Variants in SLC25A21 observed in about 807,000 individuals in gnomAD.
SLC25A21 encodes the protein mitochondrial 2-oxodicarboxylate carrier.
In SLC25A21, 47 loss-of-function variants were observed where a neutral mutation model predicts 43.8. The ratio of observed to expected loss-of-function variants is 1.07; its 90% CI spans 0.85 to 1.37. The LOEUF (loss-of-function observed/expected upper bound fraction) is 1.37, where lower values mean the gene tolerates loss of function less well. Ranked by LOEUF, SLC25A21 falls within the 40% of genes most tolerant of loss-of-function variation. SLC25A21 has a pLI of 0.00. For synonymous variants in SLC25A21, 131 were observed against 121.3 expected (o/e 1.08, Z -0.52); for missense variants, 352 against 350.2 (o/e 1.00, Z -0.04).
At chr14:36,825,480 T>C (rs1033685917) in intron 2 of SLC25A21, among the ~76,000 whole-genome samples, 2 of 152,166 alleles carry the variant, frequency 1.3e-5, no homozygotes, top group African/African-American at 4.8e-5. Flanking sequence ...CCATAGAACT[T>C]GAACAAGAAA....
At chr14:36,891,534 T>C (rs1282394258) in intron 1 of SLC25A21, among the ~76,000 whole-genome samples, 2 of 152,184 alleles carry the variant, frequency 1.3e-5, no homozygotes, top group Admixed American at 6.5e-5. Context: ...TATTCTCTTA[T>C]ACACTAAAGT....
chr14:36,966,337 C>T (rs1191511662), intron 1 of SLC25A21, among the ~76,000 whole-genome samples: 1 of 152,144 alleles, frequency 6.6e-6, no homozygotes, highest in Non-Finnish European at 1.5e-5. Context: ...ACCAGATGGT[C>T]CATAGAGAAA....
intron 3 of SLC25A21, among the ~76,000 whole-genome samples, chr14:36,754,905 C>T (rs1885867027): frequency 6.6e-6 from 1 of 152,072 alleles, no homozygotes; most frequent in African/African-American, 2.4e-5. Context: ...TAATTGTTTT[C>T]AGGAGAGCTA....
chr14:36,758,713 A>G (rs1014369286), intron 3 of SLC25A21, among the ~76,000 whole-genome samples: 5 of 152,128 alleles, frequency 3.3e-5, no homozygotes, highest in African/African-American at 9.7e-5. Flanking sequence ...GAGAAGAGAA[A>G]TGATCTTAGA....
At chr14:36,931,513 T>C (rs1172769592) in intron 1 of SLC25A21, among the ~76,000 whole-genome samples, 2 of 152,134 alleles carry the variant, frequency 1.3e-5, no homozygotes, top group Non-Finnish European at 2.9e-5. Flanking sequence ...GGGGGTGGTA[T>C]GGAAGGCAGA....
chr14:37,131,151 T>C (rs1305301760), intron 1 of SLC25A21, among the ~76,000 whole-genome samples: 1 of 152,214 alleles, frequency 6.6e-6, no homozygotes, highest in Non-Finnish European at 1.5e-5. Flanking sequence ...TCCATATATA[T>C]GTTACATTTA....
intron 1 of SLC25A21, among the ~76,000 whole-genome samples, chr14:36,878,155 C>T (rs1383582097): frequency 6.6e-6 from 1 of 152,124 alleles, no homozygotes; most frequent in African/African-American, 2.4e-5. Context: ...CACCTTCTCT[C>T]ATCATAGCAT....
chr14:37,032,670 C>CAAAA (rs3061773), intron 1 of SLC25A21, among the ~76,000 whole-genome samples: 3 of 93,800 alleles, frequency 3.2e-5, no homozygotes, highest in Admixed American at 1.2e-4. Context: ...GACTCTGTCT[C>CAAAA]AAAAAAAAAA....
chr14:36,866,084 C>T (rs780251728), intron 2 of SLC25A21, among the ~76,000 whole-genome samples: 1 of 151,974 alleles, frequency 6.6e-6, no homozygotes, highest in Admixed American at 6.6e-5. Flanking sequence ...TCTCCCATTC[C>T]CCAGCACCAC....
At chr14:36,777,634 G>A (rs549940264) in intron 3 of SLC25A21, among the ~76,000 whole-genome samples, 1 of 152,306 alleles carries the variant, frequency 6.6e-6, no homozygotes, top group African/African-American at 2.4e-5. Flanking sequence ...TAGCTAGAGT[G>A]CCAAGGATTG....
intron 3 of SLC25A21, among the ~76,000 whole-genome samples, chr14:36,772,443 A>G (rs1408809810): frequency 6.6e-6 from 1 of 152,134 alleles, no homozygotes. Flanking sequence ...CTCTTCCCAC[A>G]CCAAGTCAAT....
intron 2 of SLC25A21, among the ~76,000 whole-genome samples, chr14:36,822,097 T>C (rs1468242966): frequency 6.6e-6 from 1 of 152,144 alleles, no homozygotes; most frequent in East Asian, 1.9e-4. Context: ...ACAGGAGATG[T>C]TAGTAATTAA....
chr14:36,942,377 G>A (rs1892583729), intron 1 of SLC25A21, among the ~76,000 whole-genome samples: 2 of 152,184 alleles, frequency 1.3e-5, no homozygotes, highest in Admixed American at 6.5e-5. Context: ...CTTGGGACAA[G>A]AACTAAGCAG....
Position 36,785,457 on chromosome 14 carries a change from A to G in SLC25A21, c.203+28461T>C, listed in dbSNP as rs1425157227. Among the ~76,000 whole-genome samples, 6 of 152,178 alleles carry G rather than the reference A, an allele frequency of 3.9e-5. No individual in the cohort carries two copies. In the East Asian group the frequency reaches 1.2e-3, roughly 29 times the overall value. On this transcript the variant is annotated intron_variant, in intron 3 of 9. Transcript: ENST00000331299. ...CTGCATGTGAATAGTAGAGATGTAT[A>G]TATTTTCTCTCATCTACCCTGGAGG...
intron 1 of SLC25A21, among the ~76,000 whole-genome samples, chr14:37,121,448 T>A (rs1955758): frequency 6.6e-6 from 1 of 152,174 alleles, no homozygotes; most frequent in Non-Finnish European, 1.5e-5. Flanking sequence ...CAAGTTAACA[T>A]GTGGATACCA....
Position 36,678,379 on chromosome 14 carries a change from G to A in SLC25A21, c.*2279C>T, listed in dbSNP as rs1460472509. The A allele has an allele frequency of 1.0e-6, 1 of 993,844 alleles. No homozygotes were observed. 61.6% of individuals were successfully genotyped at this position (993,844 alleles called of 1,614,324 possible). On this transcript the variant is annotated 3_prime_UTR_variant, in exon 10 of 10. Coordinates refer to ENST00000331299, the MANE Select transcript of SLC25A21 (RefSeq NM_030631.4). ...CCGAAATTCAGTGCTACAAATAGAG[G>A]ATTATAACTTCAGGAGAAGAATAAG...
intron 7 of SLC25A21, 37 bp downstream of exon 7, chr14:36,711,280 GA>G (rs1883850162): frequency 1.3e-6 from 2 of 1,594,550 alleles, no homozygotes; most frequent in Non-Finnish European, 1.7e-6. Context: ...TCACTGATAG[GA>G]TTTTTCCTCC....
chr14:36,876,679 T>G (rs1225089921), intron 1 of SLC25A21, among the ~76,000 whole-genome samples: 1 of 152,046 alleles, frequency 6.6e-6, no homozygotes, highest in East Asian at 1.9e-4. Flanking sequence ...GAATTTTTGT[T>G]CTGGTGCCTT....
In SLC25A21 at chr14:36,971,606, G is replaced by T. The variant is rs137958258; in HGVS notation, c.71-96602C>A. Among the ~76,000 whole-genome samples the T allele has an allele frequency of 4.0e-5, 6 of 151,828 alleles. No homozygotes were observed. The South Asian group carries it at 1.3e-3, about 32-fold the overall frequency. On this transcript the variant is annotated intron_variant, in intron 1 of 9. Coordinates refer to ENST00000331299, the MANE Select transcript of SLC25A21 (RefSeq NM_030631.4). ...CTGCTATGGTCCGCTGCTCCCTTTC[G>T]GGCACCTCTCTCTCAAAAAGGAGAA...
Sources: allele counts gnomAD v4.1 joint callset (sites outside exome capture counted in the v4.1 genomes callset), GRCh38; gene constraint gnomAD v4.1.1; transcripts MANE v1.5; gene names NCBI Gene and HGNC (gene_info 2026-07-23, HGNC 2026-07-21).